Variants in COL6A2 observed in about 807,000 individuals in gnomAD.
COL6A2 encodes collagen alpha-2(VI) chain.
A neutral mutation model predicts 124.9 loss-of-function variants in COL6A2; 90 were observed. The observed-to-expected ratio is 0.72, with a 90% confidence interval of 0.61 to 0.86. The LOEUF (loss-of-function observed/expected upper bound fraction) is 0.86, where lower values mean the gene tolerates loss of function less well. COL6A2 is among the 40% of genes least tolerant of loss of function. The pLI is 0.00. For missense variants in COL6A2, 1,607 were observed against 1,502.5 expected (o/e 1.07, Z -1.15); for synonymous variants, 793 against 618.2 (o/e 1.28, Z -4.19).
chr21:46,113,280 A>G (rs1282948944), intron 4 of COL6A2, among the ~76,000 whole-genome samples: 1 of 152,128 alleles, frequency 6.6e-6, no homozygotes, highest in African/African-American at 2.4e-5. Context: ...CCTGCCTCAG[A>G]ATCGCTGCTC....
At chr21:46,130,576 A>C (rs556126068) in intron 27 of COL6A2, among the ~76,000 whole-genome samples, 1 of 151,894 alleles carries the variant, frequency 6.6e-6, no homozygotes, top group African/African-American at 2.4e-5. Flanking sequence ...CAGACATCCC[A>C]ACAGCCTCAG....
At position 46,132,342 on chromosome 21, in the gene COL6A2, C is replaced by T. The variant is rs751192681; in HGVS notation, c.2850C>T (p.Gly950=). 1.4e-4 allele frequency: 226 copies of T among 1,608,018 alleles called. No individual in the cohort carries two copies. The highest frequency in any genetic ancestry group is 1.8e-4 in the Non-Finnish European group (211 of 1,179,564). ...TGTCCTTCGTGTTCCTCACGGACGG[C>T]GTCACGGGCAACGACAGTCTGCACG... is the stretch of plus-strand genomic sequence containing the variant. ...AELSFVFLTD[G]VTGNDSLHES... Residue 950 remains glycine (G), a synonymous_variant, in exon 28 of 28, where the codon GGC becomes GGT. Transcript: ENST00000300527.
chr21:46,104,568 C>G (rs1253225177), intron 1 of COL6A2, among the ~76,000 whole-genome samples: 1 of 152,136 alleles, frequency 6.6e-6, no homozygotes, highest in Non-Finnish European at 1.5e-5. Context: ...CCAACATAAA[C>G]ATTGTAGGAG....
chr21:46,132,632 C>A lies in COL6A2; in HGVS notation c.*80C>A. 7.4e-7 allele frequency: 1 copy of A among 1,356,530 alleles called. No homozygotes were observed. Among genetic ancestry groups the A allele is most frequent in the South Asian group, 1.2e-5 (1 of 80,764 alleles). The allele number at this position is 1,356,530 out of a possible 1,614,324, so 84.0% of individuals were successfully genotyped here. A position where few individuals can be genotyped will look rare whatever the true frequency, so the allele number is the denominator to read the frequency against. On this transcript the variant is annotated 3_prime_UTR_variant, in exon 28 of 28. Transcript: ENST00000300527. The stretch of plus-strand genomic sequence containing the variant: ...CTAAGCGGGCCCGGGTCCCACACGG[C>A]CAGCACCGCTGCTCACTCGGACGAC...
chr21:46,132,340 G>T lies in COL6A2; in HGVS notation c.2848G>T (p.Gly950Cys). ...GCTGTCCTTCGTGTTCCTCACGGACGGCGTCACGGGCAACGACAGTCTGCA... is the reference window on the plus strand; with the variant it reads ...GCTGTCCTTCGTGTTCCTCACGGACTGCGTCACGGGCAACGACAGTCTGCA... ...AELSFVFLTD[G>C]VTGNDSLHES... The change falls in exon 28 of 28, where the codon GGC becomes TGC. Residue 950 changes from glycine (G) to cysteine (C), a missense_variant. By Grantham distance (159) the Gly-to-Cys change is radical. Transcript: ENST00000300527. 1 of 1,608,004 alleles carries T rather than the reference G, an allele frequency of 6.2e-7. No individual in the cohort carries two copies.
rs781375584 is a variant in COL6A2, at chr21:46,112,260, T to C, written c.397T>C (p.Phe133Leu). Residue 133 changes from phenylalanine (F) to leucine (L), a missense_variant, in exon 3 of 28, where the codon TTC (phenylalanine) becomes CTC (leucine). Phe to Leu is a conservative substitution (Grantham distance 22). Around this residue, in one of 3 missense-constraint regions of COL6A2, gnomAD observed 342 missense variants for 381.5 expected, o/e 0.90. Coordinates refer to ENST00000300527, the MANE Select transcript of COL6A2 (RefSeq NM_001849.4). Reference sequence around the variant, plus strand: ...CATCAGCTCCTTCCGCCGCGGCACCTTCACCGACTGCGCGCTGGCCAACAT... The same window carrying C: ...CATCAGCTCCTTCCGCCGCGGCACCCTCACCGACTGCGCGCTGGCCAACAT... ...QGISSFRRGT[F>L]TDCALANMTE... 6.8e-6 allele frequency: 11 copies of C among 1,612,748 alleles called. No individual in the cohort carries two copies. Among genetic ancestry groups the C allele is most frequent in the Non-Finnish European group, 8.5e-6 (10 of 1,179,972 alleles).
At chr21:46,099,889 C>CGTTTTTTTTTTTTT (rs1345870090) in intron 1 of COL6A2, among the ~76,000 whole-genome samples, 2 of 91,840 alleles carry the variant, frequency 2.2e-5, no homozygotes, top group Non-Finnish European at 2.1e-5. Flanking sequence ...GCAGCACTGT[C>CGTTTTTTTTTTTTT]TTTTTTTTTT....
chr21:46,120,448 C>G (rs533548653), intron 15 of COL6A2, 67 bp from the exon 16 acceptor site: 1 of 1,346,568 alleles, frequency 7.4e-7, no homozygotes, highest in South Asian at 1.3e-5. Flanking sequence ...CCACACCCGC[C>G]TCTCACATGG....
Position 46,120,109 on chromosome 21 carries a change from A to G in COL6A2, c.1332+259A>G, listed in dbSNP as rs4535148. On this transcript the variant is annotated intron_variant, in intron 15 of 27. Transcript: ENST00000300527. ...TTCACCCCCGGCCCACTGAGGCACC[A>G]CTCACACCCCCCGGCCCCCACTGAG... 8.0e-3 allele frequency among the ~76,000 whole-genome samples: 420 copies of G among 52,614 alleles called. 5 individuals are homozygous for G. The highest frequency in any genetic ancestry group is 0.071 in the East Asian group (97 of 1,360). 34.5% of individuals were successfully genotyped at this position (52,614 alleles called of 152,430 possible).
rs1473323749 is a variant in COL6A2, at chr21:46,116,928, C to T, written c.999+114C>T. 12 of 440,170 alleles carry T rather than the reference C, an allele frequency of 2.7e-5. No individual in the cohort carries two copies. The highest frequency in any genetic ancestry group is 2.2e-4 in the East Asian group (3 of 13,812). 27.3% of individuals were successfully genotyped at this position (440,170 alleles called of 1,614,324 possible). A position where few individuals can be genotyped will look rare whatever the true frequency, so the allele number is the denominator to read the frequency against. Reference sequence around the variant, plus strand: ...GCTTACACATGTGTACACACGCATACACACACACACACACACACACACACA... The same window carrying T: ...GCTTACACATGTGTACACACGCATATACACACACACACACACACACACACA... On this transcript the variant is annotated intron_variant, in intron 10 of 27. Transcript: ENST00000300527. This position sits in a 1 kb window ranked among gnomAD's most constrained non-coding sequence, Gnocchi z 4.6.
chr21:46,122,064 C>T, intron 18 of COL6A2, 44 bp from the exon 19 acceptor site: 2 of 1,606,576 alleles, frequency 1.2e-6, no homozygotes, highest in Non-Finnish European at 1.7e-6. Flanking sequence ...CCCAGCCCCA[C>T]CCCGTCCTAT....
chr21:46,124,603 G>C, intron 21 of COL6A2, 48 bp from the exon 22 acceptor site: 1 of 1,589,258 alleles, frequency 6.3e-7, no homozygotes, highest in Non-Finnish European at 8.6e-7. Context: ...TGTGTGCAGG[G>C]ACTGTCCCTG....
At chr21:46,128,669 C>G (rs1052611260) in intron 27 of COL6A2, among the ~76,000 whole-genome samples, 4 of 152,236 alleles carry the variant, frequency 2.6e-5, no homozygotes, top group African/African-American at 7.2e-5. Flanking sequence ...ATAGGGGCCA[C>G]AGCGTAACCT....
At chr21:46,127,067 A>AAGCTGG (rs1490599785) in intron 27 of COL6A2, among the ~76,000 whole-genome samples, 1 of 152,088 alleles carries the variant, frequency 6.6e-6, no homozygotes, top group East Asian at 1.9e-4. Context: ...CGTGGGTGTG[A>AAGCTGG]AGCTGGAGCT....
At position 46,119,073 on chromosome 21, in the gene COL6A2, A is replaced by G; in HGVS notation, c.1223A>G (p.Lys408Arg). The change falls in exon 14 of 28, where the codon AAA (lysine) becomes AGA (arginine). Residue 408 changes from lysine to arginine, a missense_variant. Lys to Arg is a conservative substitution (Grantham distance 26). Around this residue, in one of 3 missense-constraint regions of COL6A2, gnomAD observed 1,223 missense variants for 1,052.2 expected, o/e 1.16. Coordinates refer to ENST00000300527, the MANE Select transcript of COL6A2 (RefSeq NM_001849.4). ...GGAGCCCCAGGAAGTCCTGGTGTGA[A>G]AGGAGCCAAGGGCGGGCCTGGGCCC... Reference protein sequence around the residue: ...NSGAPGSPGVKGAKGGPGPRG... With the variant: ...NSGAPGSPGVRGAKGGPGPRG... 6.2e-7 allele frequency: 1 copy of G among 1,612,162 alleles called. No homozygotes were observed. Among genetic ancestry groups the G allele is most frequent in the African/African-American group, 1.3e-5 (1 of 75,018 alleles).
intron 27 of COL6A2, chr21:46,129,501 A>G: frequency 6.5e-7 from 1 of 1,539,078 alleles, no homozygotes; most frequent in South Asian, 1.2e-5. Context: ...AAGCCCGGGC[A>G]CCCGCCCAGC....
Position 46,126,200 on chromosome 21 carries a change from G to C in COL6A2, c.2385G>C (p.Glu795Asp), listed in dbSNP as rs2078664654. ...NMTLFSDLVA[E>D]KFIDDMEDVL... ...CGCTGTTCTCCGACCTGGTCGCTGA[G>C]AAGTTCATCGATGACATGGAGGACG... is the stretch of plus-strand genomic sequence containing the variant. The change falls in exon 26 of 28, where the codon GAG (glutamate) becomes GAC (aspartate). Residue 795 changes from glutamate (E) to aspartate (D), a missense_variant. Transcript: ENST00000300527. 2 of 1,602,780 alleles carry C rather than the reference G, an allele frequency of 1.2e-6. No homozygotes were observed. The highest frequency in any genetic ancestry group is 1.7e-6 in the Non-Finnish European group (2 of 1,179,638).
chr21:46,132,090 C>G lies in COL6A2; in HGVS notation c.2598C>G (p.Ala866=), dbSNP rs376791811. The G allele has an allele frequency of 7.5e-6, 12 of 1,598,650 alleles. No homozygotes were observed. The African/African-American group carries it at 8.0e-5, about 11-fold the overall frequency. ...VEQVARRLTL[A]RRDDDPLNAR... The stretch of plus-strand genomic sequence containing the variant: ...AGGTGGCGCGGCGGCTGACGCTGGC[C>G]CGGAGGGACGACGACCCTCTCAACG... Residue 866 remains alanine (A), a synonymous_variant, in exon 28 of 28, where the codon GCC becomes GCG. Transcript: ENST00000300527.
At chr21:46,103,455 T>C (rs2078307609) in intron 1 of COL6A2, among the ~76,000 whole-genome samples, 1 of 152,184 alleles carries the variant, frequency 6.6e-6, no homozygotes, top group Non-Finnish European at 1.5e-5. Context: ...TTTCCTTCTT[T>C]CTGCTAGCTT....
Sources: allele counts gnomAD v4.1 joint callset (sites outside exome capture counted in the v4.1 genomes callset), GRCh38; gene constraint gnomAD v4.1.1; regional missense constraint gnomAD v4.1.1; non-coding constraint Gnocchi (gnomAD v3.1); transcripts MANE v1.5; gene names NCBI Gene and HGNC (gene_info 2026-07-23, HGNC 2026-07-21).